IGF1R: variants seen among roughly 807,000 people sequenced by gnomAD.
The protein encoded by IGF1R is insulin-like growth factor 1 receptor.
A neutral mutation model predicts 144.6 loss-of-function variants in IGF1R; 44 were observed. The ratio of observed to expected loss-of-function variants is 0.30; its 90% CI spans 0.24 to 0.39. The LOEUF is 0.39. IGF1R is among the 10% of genes least tolerant of loss of function. The probability of loss-of-function intolerance (pLI) is 1.00; values close to 1 mark genes in which losing one functional copy is unlikely to be tolerated. For synonymous variants in IGF1R, 795 were observed against 722.8 expected (o/e 1.10, Z -1.60); for missense variants, 1,355 against 1,833.7 (o/e 0.74, Z 4.77).
intron 1 of IGF1R, among the ~76,000 whole-genome samples, chr15:98,663,316 G>A (rs1048071657): frequency 5.3e-5 from 8 of 152,200 alleles, no homozygotes; most frequent in Admixed American, 5.2e-4. Context: ...AGCTCCCGAG[G>A]AGACACCTGG....
At chr15:98,926,248 ATAATGCGGAATC>A (rs1443622902) in intron 13 of IGF1R, among the ~76,000 whole-genome samples, 3 of 152,214 alleles carry the variant, frequency 2.0e-5, no homozygotes, top group Admixed American at 2.0e-4. Context: ...GATCTTTCTG[ATAATGCGGAATC>A]TAAGAAGTTA....
At chr15:98,698,438 T>C (rs1000312963) in intron 1 of IGF1R, among the ~76,000 whole-genome samples, 1 of 152,228 alleles carries the variant, frequency 6.6e-6, no homozygotes, top group Non-Finnish European at 1.5e-5. Context: ...GGAAACTCTG[T>C]ACCCATTAAT....
At chr15:98,799,808 GCCCCC>G (rs138536677) in intron 2 of IGF1R, among the ~76,000 whole-genome samples, 1 of 152,084 alleles carries the variant, frequency 6.6e-6, no homozygotes, top group African/African-American at 2.4e-5. Context: ...CCCTCCACCT[GCCCCC>G]CTTCAAGGTT....
rs1337635383 is a variant in IGF1R at position 98,958,178 on chromosome 15, G to A, written c.*736G>A. The A allele has an allele frequency of 4.3e-6, 1 of 233,064 alleles. No homozygotes were observed. The highest frequency in any genetic ancestry group is 8.5e-6 in the Non-Finnish European group (1 of 117,892). 14.4% of individuals were successfully genotyped at this position (233,064 alleles called of 1,614,324 possible). On this transcript the variant is annotated 3_prime_UTR_variant, in exon 21 of 21. Coordinates refer to ENST00000650285, the MANE Select transcript of IGF1R (RefSeq NM_000875.5). Reference sequence around the variant, plus strand: ...CGACTGCCCCTGCTGTGCTGCTCAAGGCCACAGGCACACAGGTCTCATTGC... The same window carrying A: ...CGACTGCCCCTGCTGTGCTGCTCAAAGCCACAGGCACACAGGTCTCATTGC...
At chr15:98,871,879 A>G (rs1339230468) in intron 2 of IGF1R, among the ~76,000 whole-genome samples, 1 of 152,230 alleles carries the variant, frequency 6.6e-6, no homozygotes, top group Non-Finnish European at 1.5e-5. Flanking sequence ...TAAAAGTTGA[A>G]TAAAGTTATT....
chr15:98,842,831 T>G (rs551001552), intron 2 of IGF1R, among the ~76,000 whole-genome samples: 22 of 152,352 alleles, frequency 1.4e-4, no homozygotes, highest in Middle Eastern at 3.4e-3. Context: ...CCTAAGATTT[T>G]CAACATGGAA....
At chr15:98,811,988 G>A (rs1228575366) in intron 2 of IGF1R, among the ~76,000 whole-genome samples, 1 of 152,194 alleles carries the variant, frequency 6.6e-6, no homozygotes, top group African/African-American at 2.4e-5. Context: ...TCTTTTCTGT[G>A]CCCTCTGAAT....
At chr15:98,661,596 C>T (rs567266153) in intron 1 of IGF1R, among the ~76,000 whole-genome samples, 14 of 151,948 alleles carry the variant, frequency 9.2e-5, no homozygotes, top group African/African-American at 3.2e-4. Context: ...TGTCTTTGCT[C>T]TGCTCTTCTC....
chr15:98,784,398 A>G (rs181729035), intron 2 of IGF1R: 2 of 153,886 alleles, frequency 1.3e-5, no homozygotes, highest in East Asian at 3.9e-4. Flanking sequence ...TTTTACTGCT[A>G]GAAAGAATTT....
At chr15:98,809,806 C>T (rs1488283755) in intron 2 of IGF1R, among the ~76,000 whole-genome samples, 4 of 152,094 alleles carry the variant, frequency 2.6e-5, no homozygotes, top group African/African-American at 9.7e-5. Flanking sequence ...AACGTGGTTC[C>T]GGAGGGTTTC....
intron 3 of IGF1R, among the ~76,000 whole-genome samples, chr15:98,896,137 C>A (rs1189173440): frequency 6.6e-6 from 1 of 152,148 alleles, no homozygotes; most frequent in Non-Finnish European, 1.5e-5. Context: ...GCAAAAGCAA[C>A]ATTTGGATCA....
At chr15:98,783,450 T>C (rs2055905981) in intron 2 of IGF1R, among the ~76,000 whole-genome samples, 1 of 152,244 alleles carries the variant, frequency 6.6e-6, no homozygotes, top group South Asian at 2.1e-4. Flanking sequence ...CATAATTCCT[T>C]ATAGATTCAT....
chr15:98,894,560 A>G (rs944753926), intron 3 of IGF1R, among the ~76,000 whole-genome samples: 2 of 152,218 alleles, frequency 1.3e-5, no homozygotes, highest in African/African-American at 2.4e-5. Context: ...GAAAAAGCCA[A>G]CCTCAAAAGA....
chr15:98,923,980 A>T lies in IGF1R; in HGVS notation c.2590A>T (p.Met864Leu). 6.2e-7 allele frequency: 1 copy of T among 1,614,134 alleles called. No homozygotes were observed. The highest frequency in any genetic ancestry group is 8.5e-7 in the Non-Finnish European group (1 of 1,179,956). The change falls in exon 12 of 21, where the codon ATG becomes TTG. Residue 864 changes from methionine (M) to leucine (L), a missense_variant. Met to Leu is a conservative substitution (Grantham distance 15). Around this residue, in one of 7 missense-constraint regions of IGF1R, gnomAD observed 880 missense variants for 1,202.7 expected, o/e 0.73. Coordinates refer to ENST00000650285, the MANE Select transcript of IGF1R (RefSeq NM_000875.5). ...TGAGAATCCCAATGGATTGATTCTA[A>T]TGTATGAAATAAAATACGGATCACA... ...EPENPNGLILMYEIKYGSQVE... is the reference protein window; with the variant it reads ...EPENPNGLILLYEIKYGSQVE...
chr15:98,927,298 C>T (rs912183683), intron 13 of IGF1R, among the ~76,000 whole-genome samples: 7 of 152,152 alleles, frequency 4.6e-5, no homozygotes, highest in Non-Finnish European at 2.9e-5. Flanking sequence ...TTATTTAATC[C>T]TCAGAGGAGA....
At chr15:98,676,148 A>G (rs1241831720) in intron 1 of IGF1R, among the ~76,000 whole-genome samples, 3 of 149,994 alleles carry the variant, frequency 2.0e-5, no homozygotes, top group Admixed American at 6.6e-5. Context: ...CTATTTTATT[A>G]GTGTTTTTTG....
chr15:98,906,738 C>A (rs759421835), intron 5 of IGF1R, among the ~76,000 whole-genome samples: 1 of 152,214 alleles, frequency 6.6e-6, no homozygotes, highest in Non-Finnish European at 1.5e-5. Flanking sequence ...CAGGAGGGAG[C>A]CCTTACTGAA....
rs552527961 is a variant in IGF1R, at chr15:98,959,345, C to T, written c.*1903C>T. The T allele has an allele frequency of 3.4e-5, 8 of 233,712 alleles. No homozygotes were observed. The highest frequency in any genetic ancestry group is 3.6e-4 in the South Asian group (2 of 5,534). The allele number at this position is 233,712 out of a possible 1,614,324, so 14.5% of individuals were successfully genotyped here. On this transcript the variant is annotated 3_prime_UTR_variant, in exon 21 of 21. Coordinates refer to ENST00000650285, the MANE Select transcript of IGF1R (RefSeq NM_000875.5). The stretch of plus-strand genomic sequence containing the variant: ...TCCAAGGGAGCAGCAGAGCGTGGTC[C>T]GGCAGGGCCTGTTGTGGCCCTCGCC...
intron 8 of IGF1R, 145 bp downstream of exon 8, chr15:98,913,427 T>TC (rs1158822376): frequency 1.3e-6 from 1 of 774,568 alleles, no homozygotes; most frequent in African/African-American, 1.7e-5. Flanking sequence ...CATATTCATT[T>TC]CCCCACTGCT....
Sources: allele counts gnomAD v4.1 joint callset (sites outside exome capture counted in the v4.1 genomes callset), GRCh38; gene constraint gnomAD v4.1.1; regional missense constraint gnomAD v4.1.1; transcripts MANE v1.5; gene names NCBI Gene and HGNC (gene_info 2026-07-23, HGNC 2026-07-21).